The following KATNAL2 variants were observed in gnomAD, a reference collection of about 807,000 sequenced individuals.
The protein encoded by KATNAL2 is katanin p60 ATPase-containing subunit A-like 2.
Under a neutral mutation model 76.3 loss-of-function variants are expected in KATNAL2, and 52 were observed. The observed-to-expected ratio is 0.68, with a 90% CI of 0.55 to 0.86. The LOEUF is 0.86. KATNAL2 is among the 40% of genes least tolerant of loss of function. The probability of loss-of-function intolerance (pLI) is 0.00; values close to 1 mark genes in which losing one functional copy is unlikely to be tolerated. For missense variants in KATNAL2, 660 were observed against 668.9 expected, an observed-to-expected ratio of 0.99 and a Z score of 0.15; for synonymous variants, 243 against 244.2, an observed-to-expected ratio of 1.00 and a Z score of 0.05.
At chr18:46,934,424 C>T (rs2059028483) in intron 1 of KATNAL2, among the ~76,000 whole-genome samples, 1 of 152,170 alleles carries the variant, frequency 6.6e-6, no homozygotes, top group South Asian at 2.1e-4. Context: ...TTTCACGTGT[C>T]TTTTGGCTGC....
At chr18:47,050,995 A>G (rs1475107626) in intron 4 of KATNAL2, among the ~76,000 whole-genome samples, 2 of 152,178 alleles carry the variant, frequency 1.3e-5, no homozygotes, top group African/African-American at 4.8e-5. Flanking sequence ...AGGGTCATGG[A>G]TGCTGGTTCT....
intron 3 of KATNAL2, among the ~76,000 whole-genome samples, chr18:46,950,193 T>C (rs969191382): frequency 3.9e-5 from 6 of 152,262 alleles, no homozygotes; most frequent in Admixed American, 6.5e-5. Flanking sequence ...AATATAAATT[T>C]CTTGGAACTT....
At chr18:47,031,245 G>C (rs549109102) in intron 3 of KATNAL2, among the ~76,000 whole-genome samples, 259 of 151,924 alleles carry the variant, frequency 1.7e-3, no homozygotes, top group Non-Finnish European at 3.2e-3. Context: ...GCTCTGGTCT[G>C]CAGCTGATAT....
chr18:46,950,245 C>CCCTAGATGGCGCTAAGAGCG (rs1209082622), intron 3 of KATNAL2, among the ~76,000 whole-genome samples: 2 of 152,038 alleles, frequency 1.3e-5, no homozygotes, highest in Non-Finnish European at 2.9e-5. Flanking sequence ...TTGTTTTAGT[C>CCCTAGATGGCGCTAAGAGCG]CCTAGATGGC....
chr18:47,088,227 C>A (rs1256720143), intron 15 of KATNAL2, among the ~76,000 whole-genome samples: 1 of 152,186 alleles, frequency 6.6e-6, no homozygotes, highest in East Asian at 1.9e-4. Context: ...CTCCTGCATT[C>A]TATTGGGATA....
chr18:46,944,470 C>T (rs1415205526), intron 1 of KATNAL2, among the ~76,000 whole-genome samples: 2 of 152,296 alleles, frequency 1.3e-5, no homozygotes, highest in African/African-American at 4.8e-5. Context: ...GCGGTTCACA[C>T]CTGTAATCCC....
intron 3 of KATNAL2, among the ~76,000 whole-genome samples, chr18:46,961,049 C>G (rs939997463): frequency 2.0e-5 from 3 of 152,226 alleles, no homozygotes; most frequent in African/African-American, 4.8e-5. Flanking sequence ...TAACTAAGGG[C>G]TACATGCATT....
At chr18:46,932,478 C>T (rs1426735162) in intron 1 of KATNAL2, among the ~76,000 whole-genome samples, 1 of 151,206 alleles carries the variant, frequency 6.6e-6, no homozygotes, top group Non-Finnish European at 1.5e-5. Flanking sequence ...AGTTTGAGAC[C>T]AGCCTGGCCA....
At chr18:46,924,758 A>G (rs2058676941) in intron 1 of KATNAL2, among the ~76,000 whole-genome samples, 1 of 152,142 alleles carries the variant, frequency 6.6e-6, no homozygotes, top group South Asian at 2.1e-4. Flanking sequence ...TTCGTTGAGC[A>G]GTGGTTTGTA....
chr18:47,083,042 T>G (rs1382634061), intron 15 of KATNAL2, among the ~76,000 whole-genome samples: 3 of 152,224 alleles, frequency 2.0e-5, no homozygotes, highest in African/African-American at 7.2e-5. Context: ...TCCTTCCCTG[T>G]TGAACATATA....
chr18:47,066,847 TTATATATATATATATA>T lies in KATNAL2; in HGVS notation c.727-143_727-128del, dbSNP rs56018747. Among the ~76,000 whole-genome samples, 75 of 29,586 alleles carry T rather than the reference TTATATATATATATATA, an allele frequency of 2.5e-3. 2 individuals are homozygous for T. Among genetic ancestry groups the T allele is most frequent in the Middle Eastern group, 0.024 (1 of 42 alleles). 19.4% of individuals were successfully genotyped at this position (29,586 alleles called of 152,430 possible). On this transcript the variant is annotated intron_variant, in intron 10 of 17. Coordinates refer to ENST00000683218, the MANE Select transcript of KATNAL2 (RefSeq NM_001387690.1). ...CCAAAATTACAATGTATATATGTGTTTATATATATATATATATATATATATATATATATATATATAT... is the reference window on the plus strand; with the variant it reads ...CCAAAATTACAATGTATATATGTGTTTATATATATATATATATATATATAT...
At chr18:47,063,129 GA>G in intron 9 of KATNAL2, 59 bp downstream of exon 9, 1 of 1,522,678 alleles carries the variant, frequency 6.6e-7, no homozygotes, top group Non-Finnish European at 9.1e-7. Flanking sequence ...ATGAACTCTG[GA>G]AATATAATTT....
intron 5 of KATNAL2, 103 bp from the exon 6 acceptor site, chr18:47,054,293 C>A: frequency 9.4e-7 from 1 of 1,063,720 alleles, no homozygotes; most frequent in South Asian, 1.4e-5. Context: ...GGTTAAAACT[C>A]AAATTTTAAG....
chr18:47,062,628 A>G (rs527635373), intron 8 of KATNAL2, among the ~76,000 whole-genome samples: 3 of 152,200 alleles, frequency 2.0e-5, no homozygotes, highest in Non-Finnish European at 4.4e-5. Context: ...CATTGTGCCA[A>G]TGAGTTCTTT....
chr18:47,095,863 T>C (rs576054010), intron 15 of KATNAL2, among the ~76,000 whole-genome samples: 3 of 152,284 alleles, frequency 2.0e-5, no homozygotes, highest in East Asian at 1.9e-4. Flanking sequence ...ACATCCTCAA[T>C]TGGAGTGCTA....
At chr18:46,952,775 C>A (rs1463421187) in intron 3 of KATNAL2, among the ~76,000 whole-genome samples, 1 of 151,748 alleles carries the variant, frequency 6.6e-6, no homozygotes, top group Non-Finnish European at 1.5e-5. Flanking sequence ...TGCTTTCTTT[C>A]GTCTCTCTGA....
At chr18:47,069,185 G>T (rs1274183309) in intron 11 of KATNAL2, 35 bp from the exon 12 acceptor site, 2 of 1,493,016 alleles carry the variant, frequency 1.3e-6, no homozygotes, top group South Asian at 2.3e-5. Context: ...TGATGTGTTG[G>T]TACCAAACCT....
chr18:46,961,246 C>T (rs2059935179), intron 3 of KATNAL2, among the ~76,000 whole-genome samples: 1 of 151,734 alleles, frequency 6.6e-6, no homozygotes, highest in East Asian at 1.9e-4. Context: ...TCGCTTTCTC[C>T]CTTTCCTCAC....
chr18:47,096,907 G>A (rs569623039), intron 15 of KATNAL2, among the ~76,000 whole-genome samples: 36 of 152,166 alleles, frequency 2.4e-4, no homozygotes, highest in African/African-American at 8.2e-4. Context: ...GGAGGCTGAG[G>A]CGGGTGGACT....
Sources: allele counts gnomAD v4.1 joint callset (sites outside exome capture counted in the v4.1 genomes callset), GRCh38; gene constraint gnomAD v4.1.1; transcripts MANE v1.5; gene names NCBI Gene and HGNC (gene_info 2026-07-23, HGNC 2026-07-21).